RBMS3: variants seen among roughly 807,000 people sequenced by gnomAD.
RBMS3 encodes RNA binding motif single stranded interacting protein 3.
RBMS3 carries 27 observed loss-of-function variants against 66.8 expected under a neutral mutation model. The ratio of observed to expected loss-of-function variants is 0.40; its 90% CI spans 0.30 to 0.56. The LOEUF (loss-of-function observed/expected upper bound fraction) is 0.56, where lower values mean the gene tolerates loss of function less well. Ranked by LOEUF, RBMS3 falls within the 20% of genes least tolerant of loss-of-function variation. The probability of loss-of-function intolerance (pLI) is 0.40; values close to 1 mark genes in which losing one functional copy is unlikely to be tolerated. For synonymous variants in RBMS3, 188 were observed against 183.0 expected (o/e 1.03, Z -0.22); for missense variants, 513 against 549.5 (o/e 0.93, Z 0.66).
intron 1 of RBMS3, among the ~76,000 whole-genome samples, chr3:29,421,444 C>A (rs1377989713): frequency 6.6e-6 from 1 of 151,960 alleles, no homozygotes; most frequent in Non-Finnish European, 1.5e-5. Flanking sequence ...GTGTTAGGAG[C>A]CATGAAATTA....
chr3:29,686,677 T>TA (rs1013727120), intron 4 of RBMS3, among the ~76,000 whole-genome samples: 13 of 151,930 alleles, frequency 8.6e-5, no homozygotes, highest in Non-Finnish European at 1.5e-4. Flanking sequence ...ACCCTGTCTG[T>TA]AAAAAAAATT....
intron 1 of RBMS3, among the ~76,000 whole-genome samples, chr3:29,305,369 A>G (rs895623437): frequency 3.3e-5 from 5 of 151,960 alleles, no homozygotes; most frequent in African/African-American, 7.2e-5. Context: ...TATCTGATCT[A>G]TTACATTCTT....
At chr3:29,695,456 GA>G (rs2052225224) in intron 4 of RBMS3, among the ~76,000 whole-genome samples, 1 of 152,092 alleles carries the variant, frequency 6.6e-6, no homozygotes, top group East Asian at 1.9e-4. Flanking sequence ...GTTTGTTGAG[GA>G]GGGGCATTTT....
chr3:29,547,850 T>C (rs1237661200), intron 3 of RBMS3, among the ~76,000 whole-genome samples: 2 of 149,202 alleles, frequency 1.3e-5, no homozygotes, highest in African/African-American at 2.5e-5. Context: ...CTCATTCTGT[T>C]TTCCAGGCTG....
At chr3:29,701,836 C>T (rs1398039367) in intron 4 of RBMS3, among the ~76,000 whole-genome samples, 4 of 119,244 alleles carry the variant, frequency 3.4e-5, no homozygotes, top group African/African-American at 1.1e-4. Flanking sequence ...CTGAAGCCTG[C>T]GCGCAGCCGG....
rs555490412 is a variant in RBMS3 at position 29,432,648 on chromosome 3, G to C, written c.76-2095G>C. Among the ~76,000 whole-genome samples, 3 of 152,172 alleles carry C rather than the reference G, an allele frequency of 2.0e-5. No homozygotes were observed. The South Asian group carries it at 6.2e-4, about 32-fold the overall frequency. ...TCATGTATGGTTTGACACATTCCCT[G>C]CTCTCAGGAAACACAGATTACTGTT... On this transcript the variant is annotated intron_variant, in intron 1 of 14. Transcript: ENST00000383767.
intron 1 of RBMS3, among the ~76,000 whole-genome samples, chr3:29,395,690 T>A (rs2125654000): frequency 6.6e-6 from 1 of 152,346 alleles, no homozygotes; most frequent in Middle Eastern, 3.4e-3. Context: ...ATTGTTGGCA[T>A]TCTTGTAATG....
At chr3:29,559,614 G>T (rs566060149) in intron 3 of RBMS3, among the ~76,000 whole-genome samples, 39 of 126,584 alleles carry the variant, frequency 3.1e-4, no homozygotes, top group African/African-American at 1.1e-3. Context: ...AAAAAGGCTT[G>T]TTTATTCTTG....
chr3:29,612,287 A>G (rs2048518917), intron 4 of RBMS3, among the ~76,000 whole-genome samples: 1 of 152,088 alleles, frequency 6.6e-6, no homozygotes, highest in Non-Finnish European at 1.5e-5. Context: ...CTGGTCTGCA[A>G]CTTGCCTTTT....
intron 4 of RBMS3, among the ~76,000 whole-genome samples, chr3:29,657,080 C>T (rs75021148): frequency 0.021 from 3,122 of 152,246 alleles, 79 homozygotes; most frequent in Admixed American, 0.062. Flanking sequence ...ACTCACATTT[C>T]CTAGGCTAGA....
At chr3:29,642,331 C>A (rs188295456) in intron 4 of RBMS3, among the ~76,000 whole-genome samples, 43 of 152,118 alleles carry the variant, frequency 2.8e-4, no homozygotes, top group Middle Eastern at 6.8e-3. Context: ...GCCATACCTG[C>A]CTGTTAACCT....
intron 4 of RBMS3, among the ~76,000 whole-genome samples, chr3:29,705,952 A>T (rs2052870570): frequency 6.6e-6 from 1 of 152,198 alleles, no homozygotes; most frequent in African/African-American, 2.4e-5. Flanking sequence ...TTCCCTTATT[A>T]TTCAACAAAA....
chr3:29,482,701 CTTTTT>C (rs755520785), intron 2 of RBMS3, among the ~76,000 whole-genome samples: 9 of 77,504 alleles, frequency 1.2e-4, no homozygotes, highest in Admixed American at 7.8e-4. Context: ...TTCTTTCTTT[CTTTTT>C]TTTTTTTTTT....
chr3:29,796,954 T>A (rs933587416), intron 6 of RBMS3, among the ~76,000 whole-genome samples: 3 of 152,018 alleles, frequency 2.0e-5, no homozygotes, highest in Admixed American at 6.6e-5. Context: ...CCTCATGATC[T>A]GCCCGCCTCA....
At chr3:29,554,397 C>T (rs1385961186) in intron 3 of RBMS3, among the ~76,000 whole-genome samples, 1 of 152,194 alleles carries the variant, frequency 6.6e-6, no homozygotes, top group African/African-American at 2.4e-5. Flanking sequence ...ATTCACTAAG[C>T]AGTAACAGTC....
At chr3:29,957,534 T>C (rs939595804) in intron 12 of RBMS3, among the ~76,000 whole-genome samples, 9 of 151,860 alleles carry the variant, frequency 5.9e-5, no homozygotes, top group African/African-American at 2.2e-4. Context: ...GACAAGAAAA[T>C]GGAGTTGGGA....
chr3:29,730,617 A>T (rs765828992), intron 4 of RBMS3, among the ~76,000 whole-genome samples: 16 of 152,126 alleles, frequency 1.1e-4, no homozygotes, highest in Non-Finnish European at 1.8e-4. Flanking sequence ...CATAGTCTTT[A>T]TCGATAAATC....
At chr3:29,342,084 C>T (rs186097324) in intron 1 of RBMS3, among the ~76,000 whole-genome samples, 1 of 152,198 alleles carries the variant, frequency 6.6e-6, no homozygotes, top group East Asian at 1.9e-4. Flanking sequence ...AGTAAGAATA[C>T]GATTCTTGAT....
chr3:29,711,921 A>G (rs1362021667), intron 4 of RBMS3, among the ~76,000 whole-genome samples: 2 of 152,202 alleles, frequency 1.3e-5, no homozygotes, highest in African/African-American at 2.4e-5. Flanking sequence ...TAAAAATTCA[A>G]TGGATGACAA....
Sources: allele counts gnomAD v4.1 joint callset (sites outside exome capture counted in the v4.1 genomes callset), GRCh38; gene constraint gnomAD v4.1.1; transcripts MANE v1.5; gene names NCBI Gene and HGNC (gene_info 2026-07-23, HGNC 2026-07-21).